Variants in RIN2 observed in about 807,000 individuals in gnomAD.
The protein encoded by RIN2 is Ras and Rab interactor 2, also known as RAB5 interacting protein 2.
A neutral mutation model predicts 78.0 loss-of-function variants in RIN2; 36 were observed. The observed-to-expected ratio is 0.46, with a 90% CI of 0.35 to 0.61. The LOEUF is 0.61. RIN2 is among the 20% of genes least tolerant of loss of function. RIN2 has a pLI of 0.00. For missense variants in RIN2, 1,087 were observed against 1,159.7 expected (o/e 0.94, Z 0.91); for synonymous variants, 466 against 466.8 (o/e 1.00, Z 0.02).
intron 2 of RIN2, among the ~76,000 whole-genome samples, chr20:19,812,088 C>A (rs926757417): frequency 6.6e-6 from 1 of 151,500 alleles, no homozygotes; most frequent in Non-Finnish European, 1.5e-5. Flanking sequence ...AATAGTATTT[C>A]ATTGCATGGA....
chr20:19,858,235 C>T (rs1355519420), intron 2 of RIN2, among the ~76,000 whole-genome samples: 3 of 152,082 alleles, frequency 2.0e-5, no homozygotes, highest in Non-Finnish European at 2.9e-5. Context: ...AGTTTAATTG[C>T]CTGCCCTTTT....
chr20:19,959,920 C>G (rs185523540), intron 5 of RIN2, among the ~76,000 whole-genome samples: 1 of 152,256 alleles, frequency 6.6e-6, no homozygotes, highest in Admixed American at 6.5e-5. Context: ...TGATGAGGGA[C>G]AGAATGGTGT....
At chr20:19,915,633 A>G (rs2039654613) in intron 3 of RIN2, among the ~76,000 whole-genome samples, 1 of 152,238 alleles carries the variant, frequency 6.6e-6, no homozygotes, top group Non-Finnish European at 1.5e-5. Context: ...AAACCTTTGC[A>G]TTTCAGTAAA....
At chr20:19,775,451 G>A (rs1465744118) in intron 1 of RIN2, among the ~76,000 whole-genome samples, 2 of 152,176 alleles carry the variant, frequency 1.3e-5, no homozygotes, top group African/African-American at 2.4e-5. Context: ...TCTGACTGGT[G>A]GAGGTATGCC....
chr20:19,907,848 C>T lies in RIN2; in HGVS notation c.57+18190C>T, dbSNP rs533059543. Among the ~76,000 whole-genome samples, 4 of 152,306 alleles carry T rather than the reference C, an allele frequency of 2.6e-5. No individual in the cohort carries two copies. In the South Asian group the frequency reaches 8.3e-4, roughly 32 times the overall value. On this transcript the variant is annotated intron_variant, in intron 3 of 12. Transcript: ENST00000255006. ...CTGCCAATCCCTGTTGCACCATTAC[C>T]AGCTGCATGACATTAAGCAAACTCT...
At chr20:19,978,209 A>C (rs1056293787) in intron 9 of RIN2, among the ~76,000 whole-genome samples, 4 of 152,240 alleles carry the variant, frequency 2.6e-5, no homozygotes, top group African/African-American at 9.6e-5. Context: ...TCTGAAGAAG[A>C]TAGCTCTGAA....
chr20:19,861,520 C>T (rs2037333786), intron 2 of RIN2, among the ~76,000 whole-genome samples: 1 of 151,838 alleles, frequency 6.6e-6, no homozygotes, highest in Admixed American at 6.6e-5. Context: ...CCCTCCATAT[C>T]TGATCACCCT....
chr20:19,883,206 G>A (rs2038079328), intron 2 of RIN2, among the ~76,000 whole-genome samples: 1 of 152,220 alleles, frequency 6.6e-6, no homozygotes, highest in Non-Finnish European at 1.5e-5. Flanking sequence ...TCAGTCAAGA[G>A]AGGAATAAGG....
intron 3 of RIN2, among the ~76,000 whole-genome samples, chr20:19,900,618 G>T (rs2038935264): frequency 6.6e-6 from 1 of 150,776 alleles, no homozygotes; most frequent in African/African-American, 2.5e-5. Flanking sequence ...GGGAGACCCT[G>T]TCTCTACTAC....
rs183370287 is a variant in RIN2 at position 19,781,617 on chromosome 20, G to A, written c.-162-18005G>A. On this transcript the variant is annotated intron_variant, in intron 1 of 12. Coordinates refer to ENST00000255006, the MANE Select transcript of RIN2 (RefSeq NM_018993.4). ...TAATTTTTATATTTTTAGTAGAGACGGGGTTTCACCATGTTGGCCAGGCTG... is the reference window on the plus strand; with the variant it reads ...TAATTTTTATATTTTTAGTAGAGACAGGGTTTCACCATGTTGGCCAGGCTG... Among the ~76,000 whole-genome samples the A allele has an allele frequency of 3.1e-4, 47 of 152,160 alleles. No individual in the cohort carries two copies. The East Asian group carries it at 8.5e-3, about 28-fold the overall frequency.
chr20:19,865,295 T>C (rs181020236), intron 2 of RIN2, among the ~76,000 whole-genome samples: 1 of 152,262 alleles, frequency 6.6e-6, no homozygotes, highest in East Asian at 1.9e-4. Context: ...GTCACAACAT[T>C]CAGGTTCCTT....
intron 1 of RIN2, among the ~76,000 whole-genome samples, chr20:19,769,181 C>T (rs62200326): frequency 0.073 from 11,160 of 152,252 alleles, 414 homozygotes; most frequent in South Asian, 0.11. Context: ...CTTGGCCACG[C>T]GCCTTGGCCT....
intron 2 of RIN2, among the ~76,000 whole-genome samples, chr20:19,805,512 C>T (rs1390669364): frequency 6.6e-6 from 1 of 151,358 alleles, no homozygotes; most frequent in African/African-American, 2.5e-5. Flanking sequence ...AGCAGTTCTC[C>T]TACCTCAGCC....
chr20:19,932,710 C>T (rs1489698364), intron 3 of RIN2, among the ~76,000 whole-genome samples: 1 of 152,182 alleles, frequency 6.6e-6, no homozygotes, highest in Non-Finnish European at 1.5e-5. Flanking sequence ...GATAATCTCT[C>T]CCTGCCACAG....
At chr20:19,779,095 T>C (rs2034409697) in intron 1 of RIN2, among the ~76,000 whole-genome samples, 1 of 152,174 alleles carries the variant, frequency 6.6e-6, no homozygotes, top group African/African-American at 2.4e-5. Flanking sequence ...GGAGGATTTA[T>C]CTTCTTGGAT....
intron 3 of RIN2, among the ~76,000 whole-genome samples, chr20:19,893,793 C>T (rs982630847): frequency 2.0e-5 from 3 of 152,114 alleles, no homozygotes; most frequent in Non-Finnish European, 2.9e-5. Context: ...ATGGCAGAGC[C>T]GGGCGCCATG....
chr20:19,870,083 A>G (rs935203016), intron 2 of RIN2, among the ~76,000 whole-genome samples: 1 of 152,122 alleles, frequency 6.6e-6, no homozygotes, highest in Non-Finnish European at 1.5e-5. Flanking sequence ...GAACCAGGTT[A>G]GAGTAGATTG....
At chr20:19,942,803 T>G (rs2038226) in intron 4 of RIN2, among the ~76,000 whole-genome samples, 20,450 of 152,198 alleles carry the variant, frequency 0.13, 1,673 homozygotes, top group East Asian at 0.39. Context: ...CAGTAAACCT[T>G]GGCCACACAA....
intron 2 of RIN2, among the ~76,000 whole-genome samples, chr20:19,817,121 C>G (rs1463595168): frequency 6.6e-6 from 1 of 152,196 alleles, no homozygotes; most frequent in Admixed American, 6.5e-5. Flanking sequence ...CAGTCTAAAA[C>G]TGAAAATTCC....
Sources: gnomAD v4.1 joint callset for allele counts (sites outside exome capture counted in the v4.1 genomes callset) on GRCh38, gnomAD v4.1.1 for gene constraint, MANE v1.5 for transcripts, NCBI Gene and HGNC (gene_info 2026-07-23, HGNC 2026-07-21) for gene names.